The following FSTL5 variants were observed in gnomAD, a reference collection of about 807,000 sequenced individuals.
The protein encoded by FSTL5 is follistatin-related protein 5.
Under a neutral mutation model 89.1 loss-of-function variants are expected in FSTL5, and 62 were observed. That is an observed-to-expected ratio of 0.70 (90% CI 0.57 to 0.86). FSTL5 has a LOEUF of 0.86. FSTL5 is among the 40% of genes least tolerant of loss of function. FSTL5 has a pLI of 0.00. For synonymous variants in FSTL5, 383 were observed against 346.2 expected, an observed-to-expected ratio of 1.11 and a Z score of -1.18; for missense variants, 1,057 against 1,001.6, an observed-to-expected ratio of 1.06 and a Z score of -0.75.
At chr4:161,716,769 CTT>C (rs1739001203) in intron 6 of FSTL5, among the ~76,000 whole-genome samples, 1 of 152,084 alleles carries the variant, frequency 6.6e-6, no homozygotes, top group African/African-American at 2.4e-5. Flanking sequence ...TTCATTGACT[CTT>C]TTATCCTCAG....
At chr4:161,807,973 G>C (rs549173276) in intron 4 of FSTL5, among the ~76,000 whole-genome samples, 32 of 152,238 alleles carry the variant, frequency 2.1e-4, no homozygotes, top group African/African-American at 7.0e-4. Context: ...AAAAGGCAAA[G>C]AGCACGAATA....
intron 3 of FSTL5, among the ~76,000 whole-genome samples, chr4:161,972,135 C>T (rs191249105): frequency 6.4e-4 from 98 of 152,244 alleles, no homozygotes; most frequent in African/African-American, 2.3e-3. Flanking sequence ...TCTTGTCTCC[C>T]AGGCTGGAGT....
intron 15 of FSTL5, among the ~76,000 whole-genome samples, chr4:161,397,581 T>C (rs116781453): frequency 2.6e-4 from 40 of 151,452 alleles, no homozygotes; most frequent in Non-Finnish European, 5.8e-4. Flanking sequence ...TGAATAAAAT[T>C]ATATATAGTA....
intron 7 of FSTL5, among the ~76,000 whole-genome samples, chr4:161,629,971 T>A (rs1735448864): frequency 6.6e-6 from 1 of 152,126 alleles, no homozygotes; most frequent in Admixed American, 6.5e-5. Context: ...CTTATGCATA[T>A]CTTCATTCCT....
intron 13 of FSTL5, among the ~76,000 whole-genome samples, chr4:161,466,921 A>AATAAT (rs1234167101): frequency 2.0e-5 from 3 of 152,154 alleles, no homozygotes; most frequent in Admixed American, 6.5e-5. Context: ...TCATTTTAAT[A>AATAAT]ATAATATGTA....
At chr4:161,932,370 T>C (rs1400121516) in intron 3 of FSTL5, among the ~76,000 whole-genome samples, 1 of 151,844 alleles carries the variant, frequency 6.6e-6, no homozygotes, top group Non-Finnish European at 1.5e-5. Context: ...TAGATACTGT[T>C]TATCGTCTTT....
At chr4:161,436,041 C>G (rs978886109) in intron 15 of FSTL5, among the ~76,000 whole-genome samples, 4 of 152,148 alleles carry the variant, frequency 2.6e-5, no homozygotes, top group Non-Finnish European at 5.9e-5. Context: ...CAATCTATTA[C>G]TCTGCAAGTT....
intron 6 of FSTL5, among the ~76,000 whole-genome samples, chr4:161,731,821 A>G (rs1218296393): frequency 3.3e-5 from 5 of 151,916 alleles, no homozygotes; most frequent in South Asian, 4.2e-4. Context: ...TGTTGTGTGC[A>G]TCGGTAGTTG....
chr4:161,601,989 C>T (rs9308034), intron 7 of FSTL5, among the ~76,000 whole-genome samples: 101,366 of 151,714 alleles, frequency 0.67, 34,135 homozygotes, highest in African/African-American at 0.74. Flanking sequence ...ATGGAACTAA[C>T]CTCAAATACA....
At chr4:161,610,274 A>T (rs1475644712) in intron 7 of FSTL5, among the ~76,000 whole-genome samples, 1 of 152,164 alleles carries the variant, frequency 6.6e-6, no homozygotes, top group Non-Finnish European at 1.5e-5. Flanking sequence ...GCCCTGTTGT[A>T]TGTGTAAAAA....
intron 9 of FSTL5, among the ~76,000 whole-genome samples, chr4:161,538,857 G>A (rs527802065): frequency 2.0e-5 from 3 of 152,090 alleles, no homozygotes; most frequent in East Asian, 1.9e-4. Flanking sequence ...TCCGCCTCCC[G>A]GGTTCAAGCA....
At chr4:161,952,751 T>C (rs913861851) in intron 3 of FSTL5, among the ~76,000 whole-genome samples, 1 of 151,906 alleles carries the variant, frequency 6.6e-6, no homozygotes, top group Admixed American at 6.6e-5. Context: ...GATTCGGGTA[T>C]TAATTGAGAC....
intron 4 of FSTL5, among the ~76,000 whole-genome samples, chr4:161,833,160 G>T (rs1730905484): frequency 6.6e-6 from 1 of 151,636 alleles, no homozygotes; most frequent in Non-Finnish European, 1.5e-5. Context: ...TTCAGGAGCA[G>T]GTTGTTCAGT....
intron 4 of FSTL5, among the ~76,000 whole-genome samples, chr4:161,888,019 TAGTG>T (rs1560900519): frequency 6.6e-6 from 1 of 152,124 alleles, no homozygotes; most frequent in African/African-American, 2.4e-5. Flanking sequence ...GTTCTCATGT[TAGTG>T]AGTGAGTTCT....
intron 2 of FSTL5, among the ~76,000 whole-genome samples, chr4:162,050,313 A>G (rs1738338182): frequency 6.6e-6 from 1 of 151,372 alleles, no homozygotes; most frequent in Non-Finnish European, 1.5e-5. Context: ...TTATATTGAC[A>G]TCAGATTCTC....
intron 2 of FSTL5, among the ~76,000 whole-genome samples, chr4:162,087,740 C>T (rs552770949): frequency 3.9e-5 from 6 of 152,086 alleles, no homozygotes; most frequent in Non-Finnish European, 5.9e-5. Flanking sequence ...CACCACAGTG[C>T]TGCTTTGGAG....
chr4:161,612,800 G>A (rs189276505), intron 7 of FSTL5, among the ~76,000 whole-genome samples: 42 of 152,268 alleles, frequency 2.8e-4, no homozygotes, highest in African/African-American at 1.0e-3. Context: ...AAACAATTAT[G>A]TGATTCTTGT....
chr4:162,052,553 C>CT (rs1738411641), intron 2 of FSTL5, among the ~76,000 whole-genome samples: 1 of 151,766 alleles, frequency 6.6e-6, no homozygotes, highest in East Asian at 1.9e-4. Context: ...AGAAATTCTT[C>CT]TAAGTTCCCT....
chr4:162,033,712 T>G lies in FSTL5; in HGVS notation c.127-54A>C, dbSNP rs1361603984. 10 of 985,682 alleles carry G rather than the reference T, an allele frequency of 1.0e-5. No homozygotes were observed. The East Asian group carries it at 2.6e-4, about 25-fold the overall frequency. 61.1% of individuals were successfully genotyped at this position (985,682 alleles called of 1,614,324 possible). A position where few individuals can be genotyped will look rare whatever the true frequency, so the allele number is the denominator to read the frequency against. ...ATATGTAAGTAAATATGTGATCAAC[T>G]GTTTCATATAAAGTTTCACTATAGA... is the stretch of plus-strand genomic sequence containing the variant. On this transcript the variant is annotated intron_variant, in intron 2 of 15. Transcript: ENST00000306100.
Sources: allele counts gnomAD v4.1 joint callset (sites outside exome capture counted in the v4.1 genomes callset), GRCh38; gene constraint gnomAD v4.1.1; transcripts MANE v1.5; gene names NCBI Gene and HGNC (gene_info 2026-07-23, HGNC 2026-07-21).